The following BMAL2 variants were observed in gnomAD, a reference collection of about 807,000 sequenced individuals.
BMAL2 encodes the protein basic helix-loop-helix ARNT-like protein 2.
At chr12:27,405,697 T>A in the BMAL2 span, among the ~76,000 whole-genome samples, 2 of 152,298 alleles carry the variant, frequency 1.3e-5, no homozygotes, top group African/African-American at 4.8e-5. Flanking sequence ...GCGCCTTTCC[T>A]CCTTCAAAGG....
At chr12:27,384,076 A>G in the BMAL2 span, among the ~76,000 whole-genome samples, 1 of 152,170 alleles carries the variant, frequency 6.6e-6, no homozygotes, top group African/African-American at 2.4e-5. Context: ...GGAAGAAGGG[A>G]TAGGAGTCAA....
chr12:27,409,850 CA>C, the BMAL2 span, among the ~76,000 whole-genome samples: 1 of 152,112 alleles, frequency 6.6e-6, no homozygotes, highest in East Asian at 1.9e-4. Context: ...ACTCATCGGA[CA>C]AAGGGCTAAT....
At chr12:27,362,662 T>A in the BMAL2 span, among the ~76,000 whole-genome samples, 4 of 152,166 alleles carry the variant, frequency 2.6e-5, no homozygotes, top group South Asian at 2.1e-4. Flanking sequence ...ACAAAAAAAA[T>A]TTCTAAAAAA....
At chr12:27,354,027 A>G in the BMAL2 span, among the ~76,000 whole-genome samples, 6 of 152,212 alleles carry the variant, frequency 3.9e-5, no homozygotes, top group Admixed American at 2.6e-4. Flanking sequence ...CAAAGAACTT[A>G]AAACAGAACT....
the BMAL2 span, among the ~76,000 whole-genome samples, chr12:27,346,593 C>A: frequency 6.6e-6 from 1 of 152,136 alleles, no homozygotes; most frequent in Non-Finnish European, 1.5e-5. Context: ...GTTACTCCCA[C>A]CCTTTGCCAT....
chr12:27,344,862 A>G, the BMAL2 span, among the ~76,000 whole-genome samples: 1 of 152,230 alleles, frequency 6.6e-6, no homozygotes, highest in Non-Finnish European at 1.5e-5. Flanking sequence ...AGGATTGTAT[A>G]AAATATGTAA....
the BMAL2 span, among the ~76,000 whole-genome samples, chr12:27,354,648 A>G: frequency 5.9e-5 from 9 of 152,352 alleles, no homozygotes; most frequent in African/African-American, 1.9e-4. Flanking sequence ...GTATAAAATT[A>G]TCTTCATGTT....
the BMAL2 span, among the ~76,000 whole-genome samples, chr12:27,379,765 A>G: frequency 5.9e-5 from 9 of 152,236 alleles, no homozygotes; most frequent in South Asian, 1.2e-3. Context: ...TGAGGGGGGA[A>G]GACGGTAGCA....
chr12:27,359,093 G>A, the BMAL2 span, among the ~76,000 whole-genome samples: 1 of 152,130 alleles, frequency 6.6e-6, no homozygotes, highest in African/African-American at 2.4e-5. Flanking sequence ...TTTCCAAGAT[G>A]CCAAATCCTG....
chr12:27,390,152 T>C, the BMAL2 span: 1 of 1,614,082 alleles, frequency 6.2e-7, no homozygotes, highest in East Asian at 2.2e-5. Context: ...GTATTCTGGC[T>C]CAAGACGATC....
the BMAL2 span, among the ~76,000 whole-genome samples, chr12:27,412,556 C>G: frequency 6.6e-6 from 1 of 152,006 alleles, no homozygotes; most frequent in East Asian, 1.9e-4. Flanking sequence ...ATATCAGATG[C>G]CAGCAAGATG....
At chr12:27,386,625 A>G in the BMAL2 span, among the ~76,000 whole-genome samples, 1 of 152,038 alleles carries the variant, frequency 6.6e-6, no homozygotes, top group Non-Finnish European at 1.5e-5. Context: ...GGTAAAGGTA[A>G]TTTTATTTTA....
At chr12:27,384,242 CA>C in the BMAL2 span, among the ~76,000 whole-genome samples, 5 of 152,186 alleles carry the variant, frequency 3.3e-5, no homozygotes, top group African/African-American at 1.2e-4. Context: ...TTACTCCTCC[CA>C]GGTCAAACAT....
the BMAL2 span, chr12:27,420,483 G>T: frequency 6.2e-7 from 1 of 1,613,424 alleles, no homozygotes; most frequent in Non-Finnish European, 8.5e-7. Flanking sequence ...GAAGCAGAGG[G>T]GGGCCTGGGA....
chr12:27,366,161 A>C, the BMAL2 span, among the ~76,000 whole-genome samples: 1 of 152,140 alleles, frequency 6.6e-6, no homozygotes, highest in Non-Finnish European at 1.5e-5. Flanking sequence ...CACTGAAGTC[A>C]GAAAATGTTT....
chr12:27,368,696 T>A, the BMAL2 span, among the ~76,000 whole-genome samples: 1 of 152,230 alleles, frequency 6.6e-6, no homozygotes, highest in Admixed American at 6.5e-5. Flanking sequence ...CTTGCCTTCC[T>A]TATTGAAATA....
the BMAL2 span, chr12:27,403,584 CAT>C: frequency 9.7e-6 from 12 of 1,241,140 alleles, no homozygotes; most frequent in African/African-American, 3.1e-5. Flanking sequence ...GTAAAAATAT[CAT>C]ATTTATAAAA....
At chr12:27,370,084 C>A in the BMAL2 span, 2 of 1,447,206 alleles carry the variant, frequency 1.4e-6, no homozygotes, top group Admixed American at 1.7e-5. Context: ...TGTCCATTCC[C>A]AGAACATCTG....
chr12:27,334,487 T>G, the BMAL2 span, among the ~76,000 whole-genome samples: 1 of 152,232 alleles, frequency 6.6e-6, no homozygotes, highest in African/African-American at 2.4e-5. Flanking sequence ...TCAATTTGCT[T>G]TGTGAAATTG....
Sources: gnomAD v4.1 joint callset for allele counts (sites outside exome capture counted in the v4.1 genomes callset) on GRCh38, gnomAD v4.1.1 for gene constraint, MANE v1.5 for transcripts, NCBI Gene and HGNC (gene_info 2026-07-23, HGNC 2026-07-21) for gene names.